The following VPS13C variants were observed in gnomAD, a reference collection of about 807,000 sequenced individuals.
The protein encoded by VPS13C is intermembrane lipid transfer protein VPS13C.
Under a neutral mutation model 456.8 loss-of-function variants are expected in VPS13C, and 358 were observed. The ratio of observed to expected loss-of-function variants is 0.78; its 90% CI spans 0.72 to 0.86. VPS13C has a LOEUF of 0.86. VPS13C is among the 40% of genes least tolerant of loss of function. The pLI is 0.00. For synonymous variants in VPS13C, 1,578 were observed against 1,486.7 expected (o/e 1.06, Z -1.41); for missense variants, 4,818 against 4,385.4 (o/e 1.10, Z -2.79).
intron 15 of VPS13C, among the ~76,000 whole-genome samples, chr15:62,001,081 C>A (rs2046595843): frequency 6.6e-6 from 1 of 152,132 alleles, no homozygotes; most frequent in African/African-American, 2.4e-5. Flanking sequence ...AAAGTAGAAA[C>A]TGATTTGAGG....
At chr15:61,872,096 C>CA (rs1446854634) in intron 78 of VPS13C, 62 bp from the exon 79 acceptor site, 1 of 1,389,900 alleles carries the variant, frequency 7.2e-7, no homozygotes, top group Non-Finnish European at 1.0e-6. Flanking sequence ...TTAAACCAAC[C>CA]ACTAGAGGTC....
intron 62 of VPS13C, among the ~76,000 whole-genome samples, chr15:61,912,960 G>A (rs1418267427): frequency 1.3e-5 from 2 of 151,038 alleles, no homozygotes; most frequent in Non-Finnish European, 2.9e-5. Context: ...TCAGAGAAAT[G>A]CAAATCAAAA....
At chr15:61,931,590 T>G (rs2044058634) in intron 49 of VPS13C, among the ~76,000 whole-genome samples, 1 of 151,240 alleles carries the variant, frequency 6.6e-6, no homozygotes, top group Admixed American at 6.6e-5. Context: ...TTTTTTTTTT[T>G]TTTTTGAGAT....
At chr15:61,897,954 T>G (rs1417639795) in intron 66 of VPS13C, among the ~76,000 whole-genome samples, 1 of 152,074 alleles carries the variant, frequency 6.6e-6, no homozygotes, top group East Asian at 1.9e-4. Context: ...TATTCAACAT[T>G]CTTGAAGAAA....
Position 61,868,767 on chromosome 15 carries a change from T to C in VPS13C, c.10755A>G (p.Ala3585=), listed in dbSNP as rs747379438. ...GGCTAGATACTTCCTCAGTTGATTCTGCTGCCCTGAATAAGGCATCAGAGT... is the reference window on the plus strand; with the variant it reads ...GGCTAGATACTTCCTCAGTTGATTCCGCTGCCCTGAATAAGGCATCAGAGT... ...SSTFQGIQRA[A]ESTEEVSSLR... Residue 3585 remains alanine (A), a synonymous_variant, in exon 81 of 85, where the codon GCA becomes GCG. Coordinates refer to ENST00000644861, the MANE Select transcript of VPS13C (RefSeq NM_020821.3). 17 of 1,613,372 alleles carry C rather than the reference T, an allele frequency of 1.1e-5. No homozygotes were observed. Among genetic ancestry groups the C allele is most frequent in the Non-Finnish European group, 1.4e-5 (16 of 1,179,806 alleles).
rs2045121525 is a variant in VPS13C, at chr15:61,959,491, T to C, written c.4013A>G (p.Lys1338Arg). ...NRNLAASWYH[K>R]VPVVEIKGHL... ...TCCTTTAATTTCCACAACAGGCACC[T>C]TGTGGTACCAAGATGCAGCTAGATT... The change falls in exon 36 of 85, where the codon AAG (lysine) becomes AGG (arginine). Residue 1338 changes from lysine (K) to arginine (R), a missense_variant. Lys to Arg is a conservative substitution (Grantham distance 26). Transcript: ENST00000644861. The C allele has an allele frequency of 6.2e-7, 1 of 1,613,004 alleles. No homozygotes were observed. The highest frequency in any genetic ancestry group is 8.5e-7 in the Non-Finnish European group (1 of 1,179,338).
chr15:61,984,397 T>C, intron 19 of VPS13C, among the ~76,000 whole-genome samples: 1 of 152,232 alleles, frequency 6.6e-6, no homozygotes, highest in South Asian at 2.1e-4. Flanking sequence ...TCAGCTATCC[T>C]AGGCCTTCTC....
intron 82 of VPS13C, 87 bp from the exon 83 acceptor site, chr15:61,856,496 G>A (rs1566949858): frequency 6.7e-7 from 1 of 1,493,252 alleles, no homozygotes; most frequent in African/African-American, 1.4e-5. Context: ...GATGGCAGAG[G>A]TAGCACTTGC....
intron 81 of VPS13C, chr15:61,866,947 G>C: frequency 1.0e-5 from 10 of 984,142 alleles, no homozygotes; most frequent in Non-Finnish European, 1.2e-5. Context: ...AAAGTTGCTA[G>C]ATAAGACATT....
intron 15 of VPS13C, among the ~76,000 whole-genome samples, chr15:62,004,337 G>GT (rs2046750723): frequency 6.6e-6 from 1 of 152,036 alleles, no homozygotes; most frequent in African/African-American, 2.4e-5. Context: ...TCTGATGGTA[G>GT]TTTGTATTTC....
intron 1 of VPS13C, among the ~76,000 whole-genome samples, chr15:62,057,844 G>C (rs1267533791): frequency 6.6e-6 from 1 of 152,152 alleles, no homozygotes; most frequent in Non-Finnish European, 1.5e-5. Flanking sequence ...CAATGTCATG[G>C]TAAAACCATT....
chr15:61,950,278 C>CA, intron 41 of VPS13C, 80 bp downstream of exon 41: 1 of 1,030,466 alleles, frequency 9.7e-7, no homozygotes, highest in Non-Finnish European at 1.5e-6. Flanking sequence ...TTAGAACTTA[C>CA]AATCTCACAG....
intron 21 of VPS13C, 77 bp from the exon 22 acceptor site, chr15:61,981,555 G>A: frequency 1.4e-6 from 2 of 1,420,648 alleles, no homozygotes; most frequent in Admixed American, 5.3e-5. Flanking sequence ...ACTAGAATAA[G>A]AGTTTTACTT....
intron 1 of VPS13C, among the ~76,000 whole-genome samples, chr15:62,046,827 G>C (rs1241994100): frequency 6.6e-6 from 1 of 152,160 alleles, no homozygotes; most frequent in Non-Finnish European, 1.5e-5. Flanking sequence ...GTGAAATGTT[G>C]AAAACTACCA....
At chr15:61,947,513 T>G (rs2044647562) in intron 42 of VPS13C, among the ~76,000 whole-genome samples, 1 of 152,074 alleles carries the variant, frequency 6.6e-6, no homozygotes, top group African/African-American at 2.4e-5. Context: ...CCCTTCAAAT[T>G]AAGAATAAAA....
At chr15:62,056,677 G>A (rs11071651) in intron 1 of VPS13C, among the ~76,000 whole-genome samples, 4,379 of 152,152 alleles carry the variant, frequency 0.029, 228 homozygotes, top group African/African-American at 0.1. Context: ...AGGCCTAACC[G>A]TCTCCCTGTG....
At chr15:62,037,187 A>AT (rs2140671561) in intron 3 of VPS13C, among the ~76,000 whole-genome samples, 1 of 116,328 alleles carries the variant, frequency 8.6e-6, no homozygotes, top group South Asian at 2.3e-4. Flanking sequence ...ATATAAATAT[A>AT]AATATAATAA....
intron 24 of VPS13C, among the ~76,000 whole-genome samples, chr15:61,974,705 A>G (rs2045652354): frequency 6.6e-6 from 1 of 152,130 alleles, no homozygotes; most frequent in Non-Finnish European, 1.5e-5. Flanking sequence ...AAACCAAAAC[A>G]CTACTTCCTG....
At chr15:61,855,416 A>G (rs1225787334) in intron 83 of VPS13C, among the ~76,000 whole-genome samples, 7 of 152,212 alleles carry the variant, frequency 4.6e-5, no homozygotes, top group African/African-American at 9.6e-5. Context: ...TTTGAAAACT[A>G]TATTTCATAC....
Sources: gnomAD v4.1 joint callset for allele counts (sites outside exome capture counted in the v4.1 genomes callset) on GRCh38, gnomAD v4.1.1 for gene constraint, MANE v1.5 for transcripts, NCBI Gene and HGNC (gene_info 2026-07-23, HGNC 2026-07-21) for gene names.